PIP5K1B: variants seen among roughly 807,000 people sequenced by gnomAD.
PIP5K1B encodes phosphatidylinositol 4-phosphate 5-kinase type-1 beta.
PIP5K1B carries 42 observed loss-of-function variants against 67.0 expected under a neutral mutation model. That is an observed-to-expected ratio of 0.63 (90% CI 0.49 to 0.81). The LOEUF (loss-of-function observed/expected upper bound fraction) is 0.81, where lower values mean the gene tolerates loss of function less well. Ranked by LOEUF, PIP5K1B falls within the 30% of genes least tolerant of loss-of-function variation. The pLI, the probability that PIP5K1B is intolerant of heterozygous loss-of-function variation, is 0.00. For missense variants in PIP5K1B, 459 were observed against 646.3 expected (o/e 0.71, Z 3.14); for synonymous variants, 214 against 231.4 (o/e 0.92, Z 0.68).
intron 2 of PIP5K1B, among the ~76,000 whole-genome samples, chr9:68,770,401 C>T (rs1243769158): frequency 6.6e-6 from 1 of 152,190 alleles, no homozygotes; most frequent in Non-Finnish European, 1.5e-5. Flanking sequence ...TCCTCCTGCA[C>T]CTTGCTGGGG....
At chr9:68,902,090 C>T (rs1825392187) in intron 8 of PIP5K1B, among the ~76,000 whole-genome samples, 1 of 152,290 alleles carries the variant, frequency 6.6e-6, no homozygotes, top group African/African-American at 2.4e-5. Context: ...GTACAACCTA[C>T]TGACGTTTTT....
intron 2 of PIP5K1B, among the ~76,000 whole-genome samples, chr9:68,758,080 A>G (rs1830016040): frequency 6.6e-6 from 1 of 152,172 alleles, no homozygotes; most frequent in South Asian, 2.1e-4. Flanking sequence ...TAACCCACGG[A>G]AAGAGGTTTA....
At chr9:68,866,797 G>A (rs190959961) in intron 5 of PIP5K1B, among the ~76,000 whole-genome samples, 7 of 152,282 alleles carry the variant, frequency 4.6e-5, no homozygotes, top group Admixed American at 4.6e-4. Flanking sequence ...TGTGACTGAA[G>A]ACAAAGGCTG....
chr9:68,854,609 C>T (rs1471277271), intron 4 of PIP5K1B, among the ~76,000 whole-genome samples: 1 of 152,158 alleles, frequency 6.6e-6, no homozygotes, highest in Non-Finnish European at 1.5e-5. Context: ...TGCATTAAGG[C>T]CTTGACCTAA....
At chr9:68,979,651 C>T (rs969808425) in intron 14 of PIP5K1B, among the ~76,000 whole-genome samples, 1 of 152,224 alleles carries the variant, frequency 6.6e-6, no homozygotes, top group Admixed American at 6.5e-5. Context: ...ATTGTGGCTT[C>T]TGTCCTCACA....
intron 2 of PIP5K1B, among the ~76,000 whole-genome samples, chr9:68,758,890 CAAT>C (rs1830062533): frequency 6.6e-6 from 1 of 152,060 alleles, no homozygotes; most frequent in African/African-American, 2.4e-5. Context: ...TGTAGAGAAA[CAAT>C]GATTTGAATG....
chr9:68,816,123 G>T (rs1199426179), intron 2 of PIP5K1B, among the ~76,000 whole-genome samples: 1 of 152,014 alleles, frequency 6.6e-6, no homozygotes, highest in African/African-American at 2.4e-5. Context: ...CGATTTTTTT[G>T]TTTGTTTGTT....
chr9:68,719,944 C>G (rs1407631994), intron 1 of PIP5K1B, among the ~76,000 whole-genome samples: 1 of 152,158 alleles, frequency 6.6e-6, no homozygotes, highest in African/African-American at 2.4e-5. Context: ...TGCCTGGAAG[C>G]TTTAGAAATG....
At chr9:68,980,029 G>T (rs559920792) in intron 14 of PIP5K1B, among the ~76,000 whole-genome samples, 1 of 152,298 alleles carries the variant, frequency 6.6e-6, no homozygotes, top group Non-Finnish European at 1.5e-5. Flanking sequence ...GTGTTGGGGG[G>T]TTTTGTAGAT....
intron 4 of PIP5K1B, among the ~76,000 whole-genome samples, chr9:68,833,094 A>T (rs542405843): frequency 6.6e-6 from 1 of 152,240 alleles, no homozygotes; most frequent in Non-Finnish European, 1.5e-5. Context: ...GCCAAGACAG[A>T]CATAGTCCCT....
At chr9:68,807,290 T>C (rs961797740) in intron 2 of PIP5K1B, among the ~76,000 whole-genome samples, 1 of 152,234 alleles carries the variant, frequency 6.6e-6, no homozygotes, top group African/African-American at 2.4e-5. Flanking sequence ...CATTTGTGCC[T>C]AGTTTGAAAC....
intron 2 of PIP5K1B, among the ~76,000 whole-genome samples, chr9:68,815,437 A>C (rs1833392902): frequency 6.6e-6 from 1 of 152,084 alleles, no homozygotes; most frequent in Non-Finnish European, 1.5e-5. Context: ...AATATAAAGA[A>C]TGTACATATA....
At chr9:68,921,335 A>C (rs1208964548) in intron 11 of PIP5K1B, among the ~76,000 whole-genome samples, 2 of 152,078 alleles carry the variant, frequency 1.3e-5, no homozygotes, top group Non-Finnish European at 2.9e-5. Flanking sequence ...AATTAACCTC[A>C]ATCTTACTGA....
intron 2 of PIP5K1B, among the ~76,000 whole-genome samples, chr9:68,773,876 A>G (rs1034008253): frequency 1.3e-4 from 20 of 152,074 alleles, no homozygotes; most frequent in African/African-American, 4.8e-4. Context: ...TTCTGAGATA[A>G]TCTATTATTT....
chr9:68,999,050 T>C (rs906504079), intron 15 of PIP5K1B, among the ~76,000 whole-genome samples: 1 of 152,162 alleles, frequency 6.6e-6, no homozygotes, highest in Non-Finnish European at 1.5e-5. Flanking sequence ...GGGAGGATCC[T>C]TCCCTCCCTC....
chr9:68,787,498 C>A (rs755287049), intron 2 of PIP5K1B, among the ~76,000 whole-genome samples: 5 of 152,188 alleles, frequency 3.3e-5, no homozygotes, highest in African/African-American at 4.8e-5. Context: ...CTTTTCTTGC[C>A]AATCTTTCAT....
intron 5 of PIP5K1B, among the ~76,000 whole-genome samples, chr9:68,865,742 A>C (rs1056305479): frequency 6.6e-6 from 1 of 152,238 alleles, no homozygotes; most frequent in Admixed American, 6.5e-5. Flanking sequence ...CTTGCTAGAC[A>C]TGCAGATTCT....
chr9:68,979,193 T>C lies in PIP5K1B; in HGVS notation c.1503-11947T>C, dbSNP rs1327576983. ...TGATTGGATGGCTCAAGGCAATATG[T>C]GTAGGACAGGTTACTCCAGTCAGAC... On this transcript the variant is annotated intron_variant, in intron 14 of 15. Coordinates refer to ENST00000265382, the MANE Select transcript of PIP5K1B (RefSeq NM_003558.4). Among the ~76,000 whole-genome samples, 39 of 152,240 alleles carry C rather than the reference T, an allele frequency of 2.6e-4. 2 individuals are homozygous for C. Among genetic ancestry groups the C allele is most frequent in the Admixed American group, 2.6e-3 (39 of 15,286 alleles).
At chr9:68,808,688 T>G (rs1202058801) in intron 2 of PIP5K1B, among the ~76,000 whole-genome samples, 1 of 152,238 alleles carries the variant, frequency 6.6e-6, no homozygotes, top group Non-Finnish European at 1.5e-5. Flanking sequence ...TTGATGCTGA[T>G]CCTTTTGTCA....
Sources: allele counts gnomAD v4.1 joint callset (sites outside exome capture counted in the v4.1 genomes callset), GRCh38; gene constraint gnomAD v4.1.1; transcripts MANE v1.5; gene names NCBI Gene and HGNC (gene_info 2026-07-23, HGNC 2026-07-21).